The following MAP2K1 variants were observed in gnomAD, a reference collection of about 807,000 sequenced individuals.
MAP2K1 encodes the protein dual specificity mitogen-activated protein kinase kinase 1.
A neutral mutation model predicts 46.3 loss-of-function variants in MAP2K1; 16 were observed. The observed-to-expected ratio is 0.35, with a 90% CI of 0.23 to 0.52. The LOEUF (loss-of-function observed/expected upper bound fraction) is 0.52, where lower values mean the gene tolerates loss of function less well. Among genes scored for constraint, MAP2K1 ranks in the 20% least tolerant of loss-of-function variants. The pLI is 0.94. For synonymous variants in MAP2K1, 183 were observed against 185.6 expected, an observed-to-expected ratio of 0.99 and a Z score of 0.11; for missense variants, 263 against 497.1, an observed-to-expected ratio of 0.53 and a Z score of 4.48.
intron 6 of MAP2K1, among the ~76,000 whole-genome samples, chr15:66,482,911 G>A (rs749673860): frequency 6.6e-6 from 1 of 151,588 alleles, no homozygotes; most frequent in East Asian, 1.9e-4. Flanking sequence ...GGGGACAGGC[G>A]CAGAGGCTCA....
intron 7 of MAP2K1, 102 bp downstream of exon 7, chr15:66,485,293 T>C (rs1053816939): frequency 1.1e-5 from 12 of 1,139,530 alleles, no homozygotes. Context: ...CTGCCAAGAC[T>C]GATTCTCTGT....
Position 66,475,322 on chromosome 15 carries a change from C to T in MAP2K1, c.569-6433C>T, listed in dbSNP as rs994815213. Among the ~76,000 whole-genome samples, 7 of 152,128 alleles carry T rather than the reference C, an allele frequency of 4.6e-5. No homozygotes were observed. In the East Asian group the frequency reaches 5.8e-4, roughly 13 times the overall value. On this transcript the variant is annotated intron_variant, in intron 5 of 10. Transcript: ENST00000307102. ...GAAGAGGTTGTTTGAAGCCTAAAGTCGCCATTTTAAAAAATCTTCATTTGC... is the reference window on the plus strand; with the variant it reads ...GAAGAGGTTGTTTGAAGCCTAAAGTTGCCATTTTAAAAAATCTTCATTTGC...
chr15:66,475,842 C>G (rs905729504), intron 5 of MAP2K1, among the ~76,000 whole-genome samples: 4 of 152,134 alleles, frequency 2.6e-5, no homozygotes, highest in African/African-American at 9.7e-5. Flanking sequence ...GTGACAATCC[C>G]TGTGTCCTTT....
chr15:66,473,088 T>A (rs988493083), intron 5 of MAP2K1, among the ~76,000 whole-genome samples: 1 of 152,184 alleles, frequency 6.6e-6, no homozygotes, highest in Non-Finnish European at 1.5e-5. Context: ...TGCCTGTAGG[T>A]GGTTGATTGG....
chr15:66,472,000 C>T lies in MAP2K1; in HGVS notation c.569-9755C>T, dbSNP rs1003271021. ...GCTGAGGCAGGAGAATCGGTTGAAC[C>T]GGGGAGGCGGAGGTTGCAGTGAGCT... is the stretch of plus-strand genomic sequence containing the variant. On this transcript the variant is annotated intron_variant, in intron 5 of 10. Coordinates refer to ENST00000307102, the MANE Select transcript of MAP2K1 (RefSeq NM_002755.4). Among the ~76,000 whole-genome samples, 25 of 133,536 alleles carry T rather than the reference C, an allele frequency of 1.9e-4. 1 individual carries two copies. The highest frequency in any genetic ancestry group is 1.8e-3 in the Admixed American group (21 of 11,364). 87.6% of individuals were successfully genotyped at this position (133,536 alleles called of 152,430 possible). A position where few individuals can be genotyped will look rare whatever the true frequency, so the allele number is the denominator to read the frequency against.
intron 1 of MAP2K1, among the ~76,000 whole-genome samples, chr15:66,400,618 C>T (rs1377055599): frequency 6.6e-6 from 1 of 152,142 alleles, no homozygotes; most frequent in Non-Finnish European, 1.5e-5. Flanking sequence ...GTCCTGTGCC[C>T]TTGTTGCTCA....
intron 1 of MAP2K1, among the ~76,000 whole-genome samples, chr15:66,412,369 A>G (rs910668550): frequency 5.3e-5 from 8 of 152,224 alleles, no homozygotes; most frequent in South Asian, 2.1e-4. Flanking sequence ...AACGTTAAGC[A>G]TCTAAAAACG....
chr15:66,428,271 C>CGTGTGTGTGTGTGTGTGT (rs67373670), intron 1 of MAP2K1, among the ~76,000 whole-genome samples: 1 of 122,280 alleles, frequency 8.2e-6, no homozygotes, highest in Non-Finnish European at 1.7e-5. Flanking sequence ...AGCAGTTGTG[C>CGTGTGTGTGTGTGTGTGT]GTGTGTGTGT....
At chr15:66,417,784 G>A (rs1249214848) in intron 1 of MAP2K1, among the ~76,000 whole-genome samples, 1 of 152,128 alleles carries the variant, frequency 6.6e-6, no homozygotes, top group Admixed American at 6.6e-5. Context: ...AGCTGTTCTT[G>A]TATATAAGGG....
chr15:66,437,103 G>A (rs1249643493), intron 3 of MAP2K1, among the ~76,000 whole-genome samples: 1 of 152,220 alleles, frequency 6.6e-6, no homozygotes, highest in African/African-American at 2.4e-5. Context: ...CTTGAAGGAA[G>A]TGGGCAGTAT....
intron 1 of MAP2K1, among the ~76,000 whole-genome samples, chr15:66,422,991 G>C (rs2093447320): frequency 6.6e-6 from 1 of 151,910 alleles, no homozygotes; most frequent in South Asian, 2.1e-4. Context: ...TGGTCCCAAA[G>C]TCTGGGCCTC....
intron 7 of MAP2K1, among the ~76,000 whole-genome samples, chr15:66,486,505 G>C (rs1424720019): frequency 6.6e-6 from 1 of 152,146 alleles, no homozygotes; most frequent in African/African-American, 2.4e-5. Context: ...GAATTTTAAA[G>C]ATGAGGAAAC....
chr15:66,488,986 AAT>A, intron 8 of MAP2K1: 2 of 601,836 alleles, frequency 3.3e-6, no homozygotes, highest in Admixed American at 2.8e-5. Context: ...ACTTGGTCCC[AAT>A]TCTAAATGTG....
chr15:66,480,976 C>G (rs1892900169), intron 5 of MAP2K1, among the ~76,000 whole-genome samples: 1 of 152,178 alleles, frequency 6.6e-6, no homozygotes, highest in African/African-American at 2.4e-5. Context: ...ATTTAGGTCT[C>G]TGCAAACTAA....
rs1013245937 is a variant in MAP2K1 at position 66,452,971 on chromosome 15, GTTC to G, written c.568+8270_568+8272del. Among the ~76,000 whole-genome samples the G allele has an allele frequency of 2.6e-5, 4 of 152,288 alleles. No individual in the cohort carries two copies. In the East Asian group the frequency reaches 5.8e-4, roughly 22 times the overall value. On this transcript the variant is annotated intron_variant, in intron 5 of 10. Coordinates refer to ENST00000307102, the MANE Select transcript of MAP2K1 (RefSeq NM_002755.4). The stretch of plus-strand genomic sequence containing the variant: ...GTCCTGAAGATGATAGTAGAAAACA[GTTC>G]TTCTTTGAAGGTTTGTTACATGGAT...
chr15:66,445,157 T>TGGG (rs66489967), intron 5 of MAP2K1, among the ~76,000 whole-genome samples: 96 of 106,270 alleles, frequency 9.0e-4, no homozygotes, highest in Middle Eastern at 5.0e-3. Context: ...CGGGGGGAGG[T>TGGG]GGGGGGGTGG....
chr15:66,420,867 A>ATATGTGTATATATATGTGTGTGTATATG (rs2093439240), intron 1 of MAP2K1, among the ~76,000 whole-genome samples: 1 of 136,058 alleles, frequency 7.3e-6, no homozygotes, highest in African/African-American at 2.7e-5. Flanking sequence ...GTGTATATAT[A>ATATGTGTATATATATGTGTGTGTATATG]TGTGTGTATA....
At chr15:66,478,453 T>TAC (rs1157349190) in intron 5 of MAP2K1, among the ~76,000 whole-genome samples, 1 of 127,872 alleles carries the variant, frequency 7.8e-6, no homozygotes, top group South Asian at 2.2e-4. Context: ...TATATATATA[T>TAC]ACAGGTATAT....
chr15:66,487,202 A>AT, intron 7 of MAP2K1, 26 bp from the exon 8 acceptor site: 1 of 1,605,002 alleles, frequency 6.2e-7, no homozygotes, highest in Non-Finnish European at 8.5e-7. Context: ...TCTGAGAAGT[A>AT]TTTTTTCTTT....
Sources: gnomAD v4.1 joint callset for allele counts (sites outside exome capture counted in the v4.1 genomes callset) on GRCh38, gnomAD v4.1.1 for gene constraint, MANE v1.5 for transcripts, NCBI Gene and HGNC (gene_info 2026-07-23, HGNC 2026-07-21) for gene names.